The following SLC36A2 variants were observed in gnomAD, a reference collection of about 807,000 sequenced individuals.
SLC36A2 encodes proton-coupled amino acid transporter 2.
Under a neutral mutation model 42.7 loss-of-function variants are expected in SLC36A2, and 39 were observed. The ratio of observed to expected loss-of-function variants is 0.91; its 90% CI spans 0.71 to 1.19. SLC36A2 has a LOEUF of 1.19. Ranked by LOEUF, SLC36A2 falls within the 50% of genes most tolerant of loss-of-function variation. The probability of loss-of-function intolerance (pLI) is 0.00; values close to 1 mark genes in which losing one functional copy is unlikely to be tolerated. For synonymous variants in SLC36A2, 237 were observed against 240.8 expected (o/e 0.98, Z 0.15); for missense variants, 590 against 613.7 (o/e 0.96, Z 0.41).
chr5:151,335,460 T>C lies in SLC36A2; in HGVS notation c.613A>G (p.Met205Val), dbSNP rs143611303. The C allele has an allele frequency of 1.3e-4, 202 of 1,614,034 alleles. No individual in the cohort carries two copies. The highest frequency in any genetic ancestry group is 3.3e-4 in the Admixed American group (20 of 60,002). The change falls in exon 6 of 10, where the codon ATG (methionine) becomes GTG (valine). Residue 205 changes from methionine (M) to valine (V), a missense_variant. Coordinates refer to ENST00000335244, the MANE Select transcript of SLC36A2 (RefSeq NM_181776.3). ...ACCAGGAAGGGCAGGAAGGAGAGCA[T>C]GTAGAGTCGCGAGTCCATGGTGGGG... Reference protein sequence around the residue: ...LTPTMDSRLYMLSFLPFLVLL... With the variant: ...LTPTMDSRLYVLSFLPFLVLL...
rs1417975191 is a variant in SLC36A2 at position 151,343,537 on chromosome 5, A to C, written c.317T>G (p.Val106Gly). 1.2e-6 allele frequency: 2 copies of C among 1,614,142 alleles called. No individual in the cohort carries two copies. Among genetic ancestry groups the C allele is most frequent in the South Asian group, 2.2e-5 (2 of 91,086 alleles). The change falls in exon 3 of 10, where the codon GTC becomes GGC. Residue 106 changes from valine (V) to glycine (G), a missense_variant. Val to Gly is a moderately radical substitution (Grantham distance 109). Coordinates refer to ENST00000335244, the MANE Select transcript of SLC36A2 (RefSeq NM_181776.3). Reference protein sequence around the residue: ...FIACHCMHILVKCAQRFCKRL... With the variant: ...FIACHCMHILGKCAQRFCKRL... ...CTTACAGAAGCGCTGGGCACACTTG[A>C]CCAGGATGTGCATACAGTGGCAGGC... is the stretch of plus-strand genomic sequence containing the variant.
Position 151,322,089 on chromosome 5 carries a change from C to T in SLC36A2, c.1137G>A (p.Leu379=), listed in dbSNP as rs1264739839. ...CGAGGCGAATGGACAGATCCAGAGG[C>T]AGTGCCCAGCGTGTTGACACCCGGG... ...AISRVSTRWA[L]PLDLSIRLVM... is the part of the protein sequence containing the mutation. Residue 379 remains leucine (L), a synonymous_variant, in exon 9 of 10, where the codon CTG becomes CTA. Transcript: ENST00000335244. The T allele has an allele frequency of 6.2e-7, 1 of 1,614,198 alleles. No individual in the cohort carries two copies. Among genetic ancestry groups the T allele is most frequent in the South Asian group, 1.1e-5 (1 of 91,088 alleles).
chr5:151,339,702 G>A lies in SLC36A2; in HGVS notation c.441-558C>T, dbSNP rs1286285785. 9.2e-5 allele frequency among the ~76,000 whole-genome samples: 14 copies of A among 152,296 alleles called. No homozygotes were observed. In the East Asian group the frequency reaches 1.3e-3, roughly 15 times the overall value. ...TTCTTCCTGGTTATGAGCCTCTCCCGATACCGGGCTTGGTGGCATTCCTCA... is the reference window on the plus strand; with the variant it reads ...TTCTTCCTGGTTATGAGCCTCTCCCAATACCGGGCTTGGTGGCATTCCTCA... On this transcript the variant is annotated intron_variant, in intron 4 of 9. Transcript: ENST00000335244.
intron 1 of SLC36A2, among the ~76,000 whole-genome samples, chr5:151,345,427 A>C (rs1756464074): frequency 6.6e-6 from 1 of 152,188 alleles, no homozygotes; most frequent in South Asian, 2.1e-4. Flanking sequence ...TGCTATTTTT[A>C]AAAGATGCTA....
rs189374592 is a variant in SLC36A2, at chr5:151,343,024, T to C, written c.345-41A>G. ...CATAAACGGTTTCCAAGAGATAGTT[T>C]AGCCTAAACTCACATGGTCAAAAGT... is the stretch of plus-strand genomic sequence containing the variant. On this transcript the variant is annotated intron_variant, in intron 3 of 9. Transcript: ENST00000335244. The C allele has an allele frequency of 4.9e-5, 74 of 1,516,176 alleles. No individual in the cohort carries two copies. The East Asian group carries it at 1.7e-3, about 34-fold the overall frequency. The allele number at this position is 1,516,176 out of a possible 1,614,324, so 93.9% of individuals were successfully genotyped here.
rs548225413 is a variant in SLC36A2 at position 151,335,239 on chromosome 5, C to T, written c.744+90G>A. ...CTCTCATAACACTCTTACCCACCTA[C>T]AGGGTTGGCTCCAGGTATCTAAAGC... On this transcript the variant is annotated intron_variant, in intron 6 of 9. Coordinates refer to ENST00000335244, the MANE Select transcript of SLC36A2 (RefSeq NM_181776.3). 5.3e-5 allele frequency: 49 copies of T among 918,688 alleles called. No homozygotes were observed. The African/African-American group carries it at 7.0e-4, about 13-fold the overall frequency. The allele number at this position is 918,688 out of a possible 1,614,324, so 56.9% of individuals were successfully genotyped here. A position where few individuals can be genotyped will look rare whatever the true frequency, so the allele number is the denominator to read the frequency against.
In SLC36A2 at chr5:151,346,588, C is replaced by T. The variant is rs186386223; in HGVS notation, c.164+709G>A. On this transcript the variant is annotated intron_variant, in intron 1 of 9. Coordinates refer to ENST00000335244, the MANE Select transcript of SLC36A2 (RefSeq NM_181776.3). Reference sequence around the variant, plus strand: ...TGGTGCAAAAACTTTCTTCTTAAAGCAGCAGAACCTCTTCACTACCACACC... The same window carrying T: ...TGGTGCAAAAACTTTCTTCTTAAAGTAGCAGAACCTCTTCACTACCACACC... Among the ~76,000 whole-genome samples the T allele has an allele frequency of 1.1e-3, 172 of 152,310 alleles. 1 individual carries two copies. The highest frequency in any genetic ancestry group is 2.9e-3 in the Admixed American group (44 of 15,296).
At chr5:151,327,379 T>A (rs1421836798) in intron 7 of SLC36A2, among the ~76,000 whole-genome samples, 1 of 152,222 alleles carries the variant, frequency 6.6e-6, no homozygotes, top group Non-Finnish European at 1.5e-5. Context: ...CTTCTACTCC[T>A]ATAGCAATGG....
intron 9 of SLC36A2, among the ~76,000 whole-genome samples, chr5:151,321,108 A>G (rs1441126085): frequency 1.3e-5 from 2 of 152,084 alleles, no homozygotes; most frequent in Non-Finnish European, 2.9e-5. Context: ...AGTGCCTGGC[A>G]CACAGTAAGT....
At position 151,333,259 on chromosome 5, in the gene SLC36A2, C is replaced by T. The variant is rs748652884; in HGVS notation, c.808G>A (p.Gly270Arg). The change falls in exon 7 of 10, where the codon GGA becomes AGA. Residue 270 changes from glycine (G) to arginine (R), a missense_variant. Physicochemically the swap from Gly to Arg is moderately radical, Grantham distance 125. Coordinates refer to ENST00000335244, the MANE Select transcript of SLC36A2 (RefSeq NM_181776.3). ...ASWKTYPLFF[G>R]TAIFSFESIG... ...CTTTCAAAAGAAAAAATGGCTGTTC[C>T]GAAGAAGAGAGGGTAGGTCTTCCAG... The T allele has an allele frequency of 3.6e-5, 58 of 1,613,830 alleles. No individual in the cohort carries two copies. Among genetic ancestry groups the T allele is most frequent in the Admixed American group, 1.3e-4 (8 of 59,996 alleles).
chr5:151,319,212 A>G, intron 9 of SLC36A2: 2 of 712,474 alleles, frequency 2.8e-6, no homozygotes, highest in Non-Finnish European at 3.4e-6. Context: ...CATACATGCT[A>G]ATTGACAATG....
intron 8 of SLC36A2, 49 bp from the exon 9 acceptor site, chr5:151,322,264 A>G (rs1309801904): frequency 6.2e-7 from 1 of 1,604,798 alleles, no homozygotes; most frequent in Non-Finnish European, 8.5e-7. Flanking sequence ...GTGTTCTGAC[A>G]CTGGCCTCCT....
rs745888839 is a variant in SLC36A2, at chr5:151,316,988, C to T, written c.1281G>A (p.Glu427=). Residue 427 remains glutamate, a synonymous_variant, in exon 10 of 10, where the codon GAG becomes GAA. Transcript: ENST00000335244. ...TGCCCTCTGAGTAGAACGTGGTGAC[C>T]TCCAGGAGCGGTGGGATGATGAGGG... ...ALALIIPPLL[E]VTTFYSEGMS... is the part of the protein sequence containing the mutation. The T allele has an allele frequency of 1.5e-5, 24 of 1,613,904 alleles. No individual in the cohort carries two copies. The highest frequency in any genetic ancestry group is 5.5e-5 in the South Asian group (5 of 91,088).
At chr5:151,321,787 T>C (rs1755699949) in intron 9 of SLC36A2, 5 of 424,826 alleles carry the variant, frequency 1.2e-5, no homozygotes, top group South Asian at 1.0e-4. Flanking sequence ...CAAGTGATCC[T>C]CTTGCCTTGG....
At chr5:151,333,183 C>T (rs1272542381) in intron 7 of SLC36A2, 41 bp downstream of exon 7, 4 of 1,549,716 alleles carry the variant, frequency 2.6e-6, no homozygotes, top group Non-Finnish European at 3.6e-6. Flanking sequence ...GAAGGTCACT[C>T]ACAAGCACTA....
At chr5:151,347,214 C>T in intron 1 of SLC36A2, 83 bp downstream of exon 1, 2 of 1,536,360 alleles carry the variant, frequency 1.3e-6, no homozygotes, top group South Asian at 2.2e-5. Context: ...GGTTGAGGGT[C>T]AGACACACCC....
intron 8 of SLC36A2, among the ~76,000 whole-genome samples, chr5:151,322,478 G>A (rs1351794565): frequency 6.6e-6 from 1 of 152,178 alleles, no homozygotes; most frequent in Non-Finnish European, 1.5e-5. Context: ...AGTATGTATT[G>A]CACCTTCGCA....
chr5:151,342,852 T>A, intron 4 of SLC36A2, 36 bp downstream of exon 4: 2 of 1,564,754 alleles, frequency 1.3e-6, no homozygotes, highest in Non-Finnish European at 1.8e-6. Flanking sequence ...TCCTCCTGTG[T>A]CCTACCCCAC....
intron 1 of SLC36A2, among the ~76,000 whole-genome samples, chr5:151,346,578 C>T (rs1235959932): frequency 6.6e-6 from 1 of 152,190 alleles, no homozygotes; most frequent in Non-Finnish European, 1.5e-5. Flanking sequence ...CAAAAACTTT[C>T]TTCTTAAAGC....
Sources: gnomAD v4.1 joint callset for allele counts (sites outside exome capture counted in the v4.1 genomes callset) on GRCh38, gnomAD v4.1.1 for gene constraint, MANE v1.5 for transcripts, NCBI Gene and HGNC (gene_info 2026-07-23, HGNC 2026-07-21) for gene names.